The following LY86 variants were observed in gnomAD, a reference collection of about 807,000 sequenced individuals.
LY86 encodes the protein MD-1, RP105-associated.
Under a neutral mutation model 17.3 loss-of-function variants are expected in LY86, and 20 were observed. The ratio of observed to expected loss-of-function variants is 1.15; its 90% CI spans 0.81 to 1.68. The LOEUF (loss-of-function observed/expected upper bound fraction) is 1.68. LY86 is among the 40% of genes most tolerant of loss of function. The pLI, the probability that LY86 is intolerant of heterozygous loss-of-function variation, is 0.00. For missense variants in LY86, 200 were observed against 191.9 expected (o/e 1.04, Z -0.25); for synonymous variants, 74 against 70.6 (o/e 1.05, Z -0.24).
intron 3 of LY86, among the ~76,000 whole-genome samples, chr6:6,634,184 C>T (rs372768773): frequency 6.6e-6 from 1 of 152,204 alleles, no homozygotes; most frequent in South Asian, 2.1e-4. Flanking sequence ...ACACATACCT[C>T]CCTGTGTGCA....
At chr6:6,606,060 G>A (rs1394095350) in intron 1 of LY86, among the ~76,000 whole-genome samples, 3 of 152,202 alleles carry the variant, frequency 2.0e-5, no homozygotes, top group Non-Finnish European at 4.4e-5. Context: ...ACTGCTGCTA[G>A]CGCGGGCAGC....
chr6:6,608,530 C>T (rs140064128), intron 1 of LY86, among the ~76,000 whole-genome samples: 50 of 152,274 alleles, frequency 3.3e-4, no homozygotes, highest in African/African-American at 1.1e-3. Flanking sequence ...AAATGTTTAC[C>T]GGCCCAGTCC....
Position 6,588,848 on chromosome 6 carries a change from G to T in LY86, c.114G>T (p.Leu38Phe), listed in dbSNP as rs1197894505. ...ACGTGGTCTGTAGCGACAGCGGCTT[G>T]GAAGTGCTCTACCAGAGTTGCGGTA... The part of the protein sequence containing the change: ...PTHVVCSDSG[L>F]EVLYQSCDPL... Residue 38 changes from leucine to phenylalanine, a missense_variant, in exon 1 of 5, where the codon TTG (leucine) becomes TTT (phenylalanine). Physicochemically the swap from Leu to Phe is conservative, Grantham distance 22. Transcript: ENST00000230568. The T allele has an allele frequency of 6.2e-7, 1 of 1,614,062 alleles. No individual in the cohort carries two copies. The highest frequency in any genetic ancestry group is 1.7e-5 in the Admixed American group (1 of 60,022).
intron 3 of LY86, among the ~76,000 whole-genome samples, chr6:6,635,091 A>AT (rs997577358): frequency 1.3e-5 from 2 of 152,182 alleles, no homozygotes; most frequent in African/African-American, 4.8e-5. Context: ...CTGCACATAC[A>AT]TTAACAAATG....
chr6:6,595,315 TGGAAGAGGA>T (rs563250477), intron 1 of LY86, among the ~76,000 whole-genome samples: 1,202 of 98,152 alleles, frequency 0.012, 14 homozygotes, highest in South Asian at 0.037. Context: ...GAGGAGGAGG[TGGAAGAGGA>T]GGAAGAGGAG....
At chr6:6,631,261 C>T (rs920130050) in intron 3 of LY86, among the ~76,000 whole-genome samples, 1 of 152,088 alleles carries the variant, frequency 6.6e-6, no homozygotes, top group African/African-American at 2.4e-5. Context: ...TTTTTTCCTA[C>T]ATACACCCTC....
intron 1 of LY86, among the ~76,000 whole-genome samples, chr6:6,604,170 G>A (rs940145644): frequency 1.3e-5 from 2 of 151,834 alleles, no homozygotes; most frequent in Admixed American, 6.6e-5. Flanking sequence ...CATTTCACTG[G>A]GTCTCTAAAT....
At chr6:6,636,977 C>T (rs1180934210) in intron 3 of LY86, among the ~76,000 whole-genome samples, 3 of 139,690 alleles carry the variant, frequency 2.1e-5, no homozygotes, top group Non-Finnish European at 4.6e-5. Context: ...CTTTTTCTTG[C>T]TAAATGGAAT....
chr6:6,593,160 G>GC (rs1468580405), intron 1 of LY86, among the ~76,000 whole-genome samples: 1 of 152,280 alleles, frequency 6.6e-6, no homozygotes, highest in East Asian at 1.9e-4. Context: ...CAGGGCCTGG[G>GC]CCTTGCTCCC....
intron 3 of LY86, among the ~76,000 whole-genome samples, chr6:6,638,184 G>GTATGAAAA (rs1761988109): frequency 6.6e-6 from 1 of 152,112 alleles, no homozygotes; most frequent in Non-Finnish European, 1.5e-5. Flanking sequence ...GAAATGTACA[G>GTATGAAAA]AATACACACC....
intron 1 of LY86, chr6:6,622,550 T>C (rs1410927288): frequency 6.6e-6 from 1 of 152,152 alleles, no homozygotes; most frequent in African/African-American, 2.4e-5. Context: ...CCAATGAGCA[T>C]AAGACAAAAG....
intron 1 of LY86, among the ~76,000 whole-genome samples, chr6:6,609,585 C>G (rs1415718057): frequency 6.6e-6 from 1 of 152,210 alleles, no homozygotes; most frequent in African/African-American, 2.4e-5. Context: ...AGCACTGTCA[C>G]GCTGGCCTCT....
intron 3 of LY86, among the ~76,000 whole-genome samples, chr6:6,640,838 T>C (rs905900943): frequency 6.6e-6 from 1 of 152,172 alleles, no homozygotes; most frequent in Non-Finnish European, 1.5e-5. Context: ...AATTCTAATT[T>C]TATAAATGAT....
intron 1 of LY86, among the ~76,000 whole-genome samples, chr6:6,612,289 G>A (rs550125737): frequency 1.3e-5 from 2 of 152,294 alleles, no homozygotes; most frequent in African/African-American, 2.4e-5. Context: ...TCTTTCTCGT[G>A]GGTTAGTGGC....
chr6:6,612,003 C>T (rs1246476460), intron 1 of LY86, among the ~76,000 whole-genome samples: 1 of 152,134 alleles, frequency 6.6e-6, no homozygotes, highest in Non-Finnish European at 1.5e-5. Flanking sequence ...GTACTGAACA[C>T]TATGAAAATA....
chr6:6,593,141 C>T (rs1280006167), intron 1 of LY86, among the ~76,000 whole-genome samples: 1 of 152,268 alleles, frequency 6.6e-6, no homozygotes, highest in East Asian at 1.9e-4. Flanking sequence ...ATCAATTTCA[C>T]TGGGTAGACA....
intron 4 of LY86, among the ~76,000 whole-genome samples, chr6:6,653,410 C>T (rs181171102): frequency 1.8e-4 from 28 of 152,288 alleles, no homozygotes; most frequent in African/African-American, 5.5e-4. Context: ...GCTCCGCTTG[C>T]GACCCTCCAA....
chr6:6,596,480 CTCT>C (rs1248784317), intron 1 of LY86, among the ~76,000 whole-genome samples: 1 of 152,180 alleles, frequency 6.6e-6, no homozygotes, highest in Non-Finnish European at 1.5e-5. Context: ...AGCAATTTCT[CTCT>C]TCATTTATTT....
intron 1 of LY86, among the ~76,000 whole-genome samples, chr6:6,603,591 C>CAAAA (rs779324556): frequency 8.5e-5 from 2 of 23,442 alleles, no homozygotes; most frequent in Non-Finnish European, 1.6e-4. Context: ...AAGCCAAAAA[C>CAAAA]AAAAACAGAA....
Sources: gnomAD v4.1 joint callset for allele counts (sites outside exome capture counted in the v4.1 genomes callset) on GRCh38, gnomAD v4.1.1 for gene constraint, MANE v1.5 for transcripts, NCBI Gene and HGNC (gene_info 2026-07-23, HGNC 2026-07-21) for gene names.